IL3RA: variants seen among roughly 807,000 people sequenced by gnomAD.
The protein encoded by IL3RA is interleukin 3 receptor subunit alpha.
IL3RA carries 73 observed loss-of-function variants against 52.3 expected under a neutral mutation model. The observed-to-expected ratio is 1.40, with a 90% confidence interval of 1.16 to 1.70. The LOEUF (loss-of-function observed/expected upper bound fraction) is 1.70, where lower values mean the gene tolerates loss of function less well. Among genes scored for constraint, IL3RA ranks in the 40% most tolerant of loss-of-function variants. The pLI is 0.00. For missense variants in IL3RA, 664 were observed against 504.4 expected, an observed-to-expected ratio of 1.32 and a Z score of -3.03; for synonymous variants, 260 against 194.0, an observed-to-expected ratio of 1.34 and a Z score of -2.83.
Position 1,358,321 on chromosome X carries a change from C to G in IL3RA, c.733-540C>G, listed in dbSNP as rs183945145. ...CGGTGGGTCTTGTTTGTCCACCGGCCTCACAAAGCCCCCTCCCACCAAGGT... is the reference window on the plus strand; with the variant it reads ...CGGTGGGTCTTGTTTGTCCACCGGCGTCACAAAGCCCCCTCCCACCAAGGT... On this transcript the variant is annotated intron_variant, in intron 7 of 11. Coordinates refer to ENST00000331035, the MANE Select transcript of IL3RA (RefSeq NM_002183.4). Among the ~76,000 whole-genome samples the G allele has an allele frequency of 6.9e-3, 1,047 of 152,022 alleles. 14 individuals are homozygous for G. Among genetic ancestry groups the G allele is most frequent in the African/African-American group, 0.023 (959 of 41,476 alleles).
rs1407012338 is a variant in IL3RA, at chrX:1,352,404, C to A, written c.514C>A (p.Arg172=). ...RIGCRFDDIS[R]LSSGSQSSHI... ...CGGGTGTCGTTTCGATGACATCTCT[C>A]GACTCTCCAGCGGTTCTCAAAGTTC... The change falls in exon 6 of 12, where the codon CGA becomes AGA. Residue 172 remains arginine (R), a synonymous_variant. Transcript: ENST00000331035. 1.1e-5 allele frequency: 18 copies of A among 1,613,732 alleles called. No individual in the cohort carries two copies. The highest frequency in any genetic ancestry group is 1.5e-5 in the Non-Finnish European group (18 of 1,179,874).
intron 3 of IL3RA, among the ~76,000 whole-genome samples, chrX:1,345,711 C>T (rs1354106213): frequency 3.3e-5 from 5 of 151,798 alleles, no homozygotes; most frequent in Middle Eastern, 6.8e-3. Flanking sequence ...AGGAGGGTCT[C>T]GATCTCCTGA....
chrX:1,353,342 T>TCATGGGACCC (rs2086263382), intron 6 of IL3RA, among the ~76,000 whole-genome samples: 2 of 146,096 alleles, frequency 1.4e-5, no homozygotes, highest in African/African-American at 2.6e-5. Flanking sequence ...CCATCATGGG[T>TCATGGGACCC]CCCATCATGA....
intron 1 of IL3RA, 135 bp from the exon 2 acceptor site, chrX:1,341,593 C>A: frequency 1.5e-6 from 1 of 673,968 alleles, no homozygotes; most frequent in Non-Finnish European, 2.6e-6. Flanking sequence ...CATATGCACA[C>A]TCACCACCGC....
At chrX:1,364,967 C>T (rs1381324964) in intron 8 of IL3RA, among the ~76,000 whole-genome samples, 171 bp from the exon 9 acceptor site, 1 of 151,852 alleles carries the variant, frequency 6.6e-6, no homozygotes, top group East Asian at 1.9e-4. Flanking sequence ...TGCCACCATG[C>T]CAGGCTAATT....
intron 8 of IL3RA, among the ~76,000 whole-genome samples, chrX:1,364,316 A>AC (rs1345076192): frequency 1.3e-5 from 2 of 150,432 alleles, no homozygotes; most frequent in Non-Finnish European, 3.0e-5. Context: ...ACATGGAGAA[A>AC]CCCCGACTCT....
intron 4 of IL3RA, among the ~76,000 whole-genome samples, chrX:1,349,736 T>C (rs1271990333): frequency 6.0e-5 from 9 of 151,012 alleles, no homozygotes; most frequent in African/African-American, 1.7e-4. Flanking sequence ...GATTTCAGCT[T>C]ACCGCAAACT....
chrX:1,368,258 C>CAT (rs1325907766), intron 9 of IL3RA, among the ~76,000 whole-genome samples: 5 of 152,042 alleles, frequency 3.3e-5, no homozygotes, highest in Middle Eastern at 6.8e-3. Flanking sequence ...AGCGAGACTC[C>CAT]ATCTCAACAA....
rs369732834 is a variant in IL3RA at position 1,381,020 on chromosome X, G to A, written c.981-3G>A. On this transcript the variant is annotated splice_region_variant and splice_polypyrimidine_tract_variant and intron_variant, in intron 10 of 11. Coordinates refer to ENST00000331035, the MANE Select transcript of IL3RA (RefSeq NM_002183.4). ...GAGCTGGGCCATTTCTCTTTCCTCCGAGGTATCTGGTGATGCAGAGACTCT... is the reference window on the plus strand; with the variant it reads ...GAGCTGGGCCATTTCTCTTTCCTCCAAGGTATCTGGTGATGCAGAGACTCT... 8.7e-6 allele frequency: 14 copies of A among 1,613,582 alleles called. No homozygotes were observed. The highest frequency in any genetic ancestry group is 4.5e-5 in the East Asian group (2 of 44,874).
At chrX:1,346,008 A>C (rs2085725916) in intron 3 of IL3RA, among the ~76,000 whole-genome samples, 1 of 152,046 alleles carries the variant, frequency 6.6e-6, no homozygotes, top group East Asian at 1.9e-4. Flanking sequence ...AGGCTAAGCT[A>C]TGACTGGTGC....
chrX:1,368,788 C>A (rs1260724157), intron 9 of IL3RA, among the ~76,000 whole-genome samples: 1 of 126,578 alleles, frequency 7.9e-6, no homozygotes, highest in Non-Finnish European at 1.6e-5. Context: ...GGATCTCAGA[C>A]CTCCAGCCTC....
intron 1 of IL3RA, among the ~76,000 whole-genome samples, chrX:1,337,660 T>C (rs1160462563): frequency 6.9e-6 from 1 of 143,950 alleles, no homozygotes; most frequent in East Asian, 2.1e-4. Flanking sequence ...ATAAATATAA[T>C]GTGGTCCAGC....
chrX:1,357,853 A>G (rs2086855648), intron 7 of IL3RA, among the ~76,000 whole-genome samples: 1 of 149,932 alleles, frequency 6.7e-6, no homozygotes, highest in African/African-American at 2.5e-5. Flanking sequence ...CTGTAATCCC[A>G]GCACTTTGGG....
intron 7 of IL3RA, among the ~76,000 whole-genome samples, chrX:1,357,243 C>T (rs1334080101): frequency 4.6e-5 from 7 of 150,628 alleles, no homozygotes; most frequent in Non-Finnish European, 7.4e-5. Flanking sequence ...TGTGAGCCTT[C>T]GTGCGCAGCC....
intron 9 of IL3RA, among the ~76,000 whole-genome samples, chrX:1,370,219 G>C (rs1347813015): frequency 1.9e-5 from 1 of 53,032 alleles, no homozygotes; most frequent in Non-Finnish European, 3.0e-5. Context: ...GGGAGAATCA[G>C]TGTTTTGTTT....
At chrX:1,365,503 G>A (rs1465335380) in intron 9 of IL3RA, among the ~76,000 whole-genome samples, 1 of 48,880 alleles carries the variant, frequency 2.0e-5, no homozygotes, top group Non-Finnish European at 3.4e-5. Context: ...GGGGTGAGCC[G>A]GGTGAGCGGG....
intron 10 of IL3RA, 55 bp from the exon 11 acceptor site, chrX:1,380,968 A>G (rs1423556555): frequency 2.8e-6 from 4 of 1,442,970 alleles, no homozygotes; most frequent in Non-Finnish European, 3.9e-6. Flanking sequence ...TGTGTCCCAG[A>G]TGATGAGCTG....
rs28836007 is a variant in IL3RA at position 1,347,893 on chromosome X, C to T, written c.184-538C>T. On this transcript the variant is annotated intron_variant, in intron 3 of 11. Transcript: ENST00000331035. ...CTCTACTAAAAATATAAAAATTAGC[C>T]GGGCGTGGTGGCGGGCGCCTGTAGT... 9.1e-3 allele frequency among the ~76,000 whole-genome samples: 1,360 copies of T among 150,154 alleles called. 43 individuals are homozygous for T. The highest frequency in any genetic ancestry group is 0.031 in the African/African-American group (1,243 of 40,718).
At chrX:1,344,086 G>A (rs1397036327) in intron 2 of IL3RA, among the ~76,000 whole-genome samples, 20 of 151,856 alleles carry the variant, frequency 1.3e-4, no homozygotes, top group East Asian at 3.9e-4. Flanking sequence ...GAGCCACCAC[G>A]CCCGTTTGCT....
Sources: gnomAD v4.1 joint callset for allele counts (sites outside exome capture counted in the v4.1 genomes callset) on GRCh38, gnomAD v4.1.1 for gene constraint, MANE v1.5 for transcripts, NCBI Gene and HGNC (gene_info 2026-07-23, HGNC 2026-07-21) for gene names.